KCNIP1: variants seen among roughly 807,000 people sequenced by gnomAD.
KCNIP1 encodes potassium voltage-gated channel interacting protein 1, also known as A-type potassium channel modulatory protein KCNIP1.
KCNIP1 carries 18 observed loss-of-function variants against 33.0 expected under a neutral mutation model. The ratio of observed to expected loss-of-function variants is 0.55; its 90% confidence interval spans 0.38 to 0.81. KCNIP1 has a LOEUF of 0.81. Among genes scored for constraint, KCNIP1 ranks in the 30% least tolerant of loss-of-function variants. The probability of loss-of-function intolerance (pLI) is 0.00; values close to 1 mark genes in which losing one functional copy is unlikely to be tolerated. For synonymous variants in KCNIP1, 93 were observed against 98.3 expected (o/e 0.95, Z 0.32); for missense variants, 238 against 271.6 (o/e 0.88, Z 0.87).
At chr5:170,682,615 T>C (rs1419469583) in intron 1 of KCNIP1, among the ~76,000 whole-genome samples, 1 of 152,048 alleles carries the variant, frequency 6.6e-6, no homozygotes. Flanking sequence ...GTCCCTTAGA[T>C]GTGCTTTTCT....
At chr5:170,503,537 G>A (rs932951952), upstream of KCNIP1, among the ~76,000 whole-genome samples, 14 of 152,066 alleles carry the variant, frequency 9.2e-5, no homozygotes, top group Non-Finnish European at 1.9e-4. Context: ...GACCCGCGGA[G>A]CAGGACGGCA....
intron 1 of KCNIP1, among the ~76,000 whole-genome samples, chr5:170,550,539 A>ATG (rs1561681826): frequency 7.6e-6 from 1 of 130,934 alleles, no homozygotes; most frequent in Non-Finnish European, 1.7e-5. Flanking sequence ...TGATGGTGAT[A>ATG]ATGATGATGG....
At chr5:170,481,489 G>A (rs895117554) in intron 1 of KCNIP1, among the ~76,000 whole-genome samples, 2 of 152,160 alleles carry the variant, frequency 1.3e-5, no homozygotes, top group South Asian at 2.1e-4. Flanking sequence ...CCAGTTTAGC[G>A]TGAGCATTGC....
chr5:170,532,147 C>A (rs1313066716), intron 1 of KCNIP1, among the ~76,000 whole-genome samples: 1 of 152,224 alleles, frequency 6.6e-6, no homozygotes, highest in Non-Finnish European at 1.5e-5. Flanking sequence ...ATTAGTACTT[C>A]ATTTTCAAAC....
intron 1 of KCNIP1, chr5:170,483,244 G>A: frequency 3.4e-6 from 1 of 292,278 alleles, no homozygotes; most frequent in Non-Finnish European, 6.7e-6. Context: ...ACCCTAGGGT[G>A]ATCCCAGGCT....
At chr5:170,435,030 C>T (rs1253406451) in intron 1 of KCNIP1, among the ~76,000 whole-genome samples, 2 of 152,200 alleles carry the variant, frequency 1.3e-5, no homozygotes, top group East Asian at 1.9e-4. Context: ...CGGCCTTGGA[C>T]GCCACTGATG....
chr5:170,622,622 CAAAAAAAAA>C (rs371896008), intron 1 of KCNIP1, among the ~76,000 whole-genome samples: 1 of 103,744 alleles, frequency 9.6e-6, no homozygotes, highest in East Asian at 2.6e-4. Flanking sequence ...GACTCTGTCT[CAAAAAAAAA>C]AAAAAAAAGA....
At chr5:170,635,456 G>A (rs142688707) in intron 1 of KCNIP1, among the ~76,000 whole-genome samples, 195 of 152,242 alleles carry the variant, frequency 1.3e-3, no homozygotes, top group Non-Finnish European at 2.4e-3. Context: ...CTCCACCCAA[G>A]TCAGCAGTCA....
At chr5:170,569,773 GTGTC>G (rs774078023) in intron 1 of KCNIP1, among the ~76,000 whole-genome samples, 2 of 151,990 alleles carry the variant, frequency 1.3e-5, no homozygotes, top group Non-Finnish European at 2.9e-5. Context: ...AGGTTGAAAG[GTGTC>G]TGGCACTTAG....
chr5:170,536,701 CTG>C (rs1441378662), intron 1 of KCNIP1, among the ~76,000 whole-genome samples: 1 of 152,200 alleles, frequency 6.6e-6, no homozygotes, highest in Non-Finnish European at 1.5e-5. Context: ...GGCTGCCTCT[CTG>C]TGATTTAACG....
chr5:170,685,482 G>T (rs1468918234), intron 1 of KCNIP1, among the ~76,000 whole-genome samples: 2 of 150,698 alleles, frequency 1.3e-5, no homozygotes, highest in Non-Finnish European at 3.0e-5. Flanking sequence ...GTCTATTATA[G>T]CAAGCATAAT....
At chr5:170,505,345 G>A (rs1030831004) in intron 1 of KCNIP1, among the ~76,000 whole-genome samples, 5 of 152,178 alleles carry the variant, frequency 3.3e-5, no homozygotes, top group African/African-American at 1.2e-4. Context: ...TCCTCAAATG[G>A]GTCCAGGTGA....
chr5:170,408,846 C>T (rs1304452721), intron 1 of KCNIP1, among the ~76,000 whole-genome samples: 1 of 152,070 alleles, frequency 6.6e-6, no homozygotes, highest in Non-Finnish European at 1.5e-5. Context: ...GGCGGTGGGT[C>T]TTTTTGCGTG....
At chr5:170,665,070 G>A (rs1018454696) in intron 1 of KCNIP1, among the ~76,000 whole-genome samples, 7 of 152,164 alleles carry the variant, frequency 4.6e-5, no homozygotes, top group Admixed American at 1.3e-4. Flanking sequence ...ACAGCGCGGG[G>A]AATGGAAGCC....
At chr5:170,643,057 T>C (rs1229081060) in intron 1 of KCNIP1, among the ~76,000 whole-genome samples, 1 of 152,192 alleles carries the variant, frequency 6.6e-6, no homozygotes, top group African/African-American at 2.4e-5. Context: ...TGGGAGACAT[T>C]ATCCTAGATT....
chr5:170,632,031 C>T (rs535177426), intron 1 of KCNIP1, among the ~76,000 whole-genome samples: 5 of 152,316 alleles, frequency 3.3e-5, no homozygotes, highest in African/African-American at 9.6e-5. Context: ...CTAAAGGGGC[C>T]CACGCTTGAG....
intron 1 of KCNIP1, among the ~76,000 whole-genome samples, chr5:170,572,449 A>T (rs1282137691): frequency 6.6e-6 from 1 of 152,164 alleles, no homozygotes; most frequent in East Asian, 1.9e-4. Context: ...TCTTGCGCTC[A>T]CAGTGCTTTC....
chr5:170,359,983 C>G (rs1337490828), intron 1 of KCNIP1, among the ~76,000 whole-genome samples: 1 of 152,218 alleles, frequency 6.6e-6, no homozygotes, highest in South Asian at 2.1e-4. Flanking sequence ...ACTTCAGGAC[C>G]ACAGGGGAGC....
chr5:170,688,352 T>C (rs1231978662), intron 1 of KCNIP1, among the ~76,000 whole-genome samples: 3 of 152,334 alleles, frequency 2.0e-5, no homozygotes, highest in South Asian at 2.1e-4. Flanking sequence ...GAATGAAAGA[T>C]TGAGCCAGAG....
Sources: allele counts gnomAD v4.1 joint callset (sites outside exome capture counted in the v4.1 genomes callset), GRCh38; gene constraint gnomAD v4.1.1; transcripts MANE v1.5; gene names NCBI Gene and HGNC (gene_info 2026-07-23, HGNC 2026-07-21).